Variants in PCDH9 observed in about 807,000 individuals in gnomAD.
PCDH9 encodes the protein protocadherin 9, also known as protocadherin-9.
A neutral mutation model predicts 70.6 loss-of-function variants in PCDH9; 24 were observed. The observed-to-expected ratio is 0.34, with a 90% confidence interval of 0.25 to 0.48. PCDH9 has a LOEUF of 0.48. PCDH9 is among the 20% of genes least tolerant of loss of function. The pLI is 0.99. For synonymous variants in PCDH9, 562 were observed against 558.5 expected (o/e 1.01, Z -0.09); for missense variants, 1,281 against 1,503.6 (o/e 0.85, Z 2.45).
chr13:66,388,492 G>A (rs1956967576), intron 4 of PCDH9, among the ~76,000 whole-genome samples: 1 of 152,010 alleles, frequency 6.6e-6, no homozygotes, highest in Non-Finnish European at 1.5e-5. Flanking sequence ...TCAGTAATAT[G>A]TAATGGGTAG....
At chr13:66,807,823 T>A (rs896558878) in intron 3 of PCDH9, among the ~76,000 whole-genome samples, 1 of 152,240 alleles carries the variant, frequency 6.6e-6, no homozygotes, top group African/African-American at 2.4e-5. Context: ...GACCTTTCTT[T>A]ACTTTGCAGA....
chr13:67,200,527 G>A (rs914379895), intron 2 of PCDH9, among the ~76,000 whole-genome samples: 5 of 152,022 alleles, frequency 3.3e-5, no homozygotes, highest in African/African-American at 1.2e-4. Context: ...TATTTATATT[G>A]ACTATATTTA....
At chr13:66,432,080 TTACA>T (rs770318740) in intron 4 of PCDH9, among the ~76,000 whole-genome samples, 3 of 152,038 alleles carry the variant, frequency 2.0e-5, no homozygotes, top group Admixed American at 6.6e-5. Context: ...GCAGTTTCCT[TTACA>T]TTTAAGCTAA....
chr13:66,442,980 A>G (rs1958004169), intron 4 of PCDH9, among the ~76,000 whole-genome samples: 1 of 152,210 alleles, frequency 6.6e-6, no homozygotes, highest in South Asian at 2.1e-4. Flanking sequence ...ACAGCTGCAG[A>G]AACTAACACA....
At chr13:67,125,655 GT>G (rs57970085) in intron 2 of PCDH9, among the ~76,000 whole-genome samples, 2 of 152,066 alleles carry the variant, frequency 1.3e-5, no homozygotes, top group Non-Finnish European at 2.9e-5. Flanking sequence ...TTATTTCTTA[GT>G]TTTGAACTCA....
chr13:67,203,240 C>A (rs1163995996), intron 2 of PCDH9: 1 of 151,976 alleles, frequency 6.6e-6, no homozygotes, highest in East Asian at 1.9e-4. Flanking sequence ...CTTAAATTGG[C>A]TAACAAATTT....
At chr13:66,809,426 A>T (rs1367336142) in intron 3 of PCDH9, among the ~76,000 whole-genome samples, 1 of 152,164 alleles carries the variant, frequency 6.6e-6, no homozygotes, top group Non-Finnish European at 1.5e-5. Flanking sequence ...CCATTTTTTT[A>T]AAAGTCTACT....
intron 2 of PCDH9, among the ~76,000 whole-genome samples, chr13:67,154,544 C>A (rs780407500): frequency 2.2e-4 from 31 of 139,004 alleles, no homozygotes; most frequent in Non-Finnish European, 3.2e-4. Flanking sequence ...CCACTACACT[C>A]CAGACAGGGA....
At chr13:66,383,263 G>A (rs567938469) in intron 4 of PCDH9, among the ~76,000 whole-genome samples, 1 of 152,280 alleles carries the variant, frequency 6.6e-6, no homozygotes, top group South Asian at 2.1e-4. Context: ...CAACGTATAA[G>A]AGGAAGGGTC....
At chr13:67,112,667 C>G (rs867350760) in intron 2 of PCDH9, among the ~76,000 whole-genome samples, 2 of 151,918 alleles carry the variant, frequency 1.3e-5, no homozygotes, top group Middle Eastern at 3.4e-3. Context: ...CCCTTCCTCC[C>G]TCCCTTCCTC....
chr13:66,622,164 C>CG (rs2077431130), intron 4 of PCDH9, among the ~76,000 whole-genome samples: 1 of 152,250 alleles, frequency 6.6e-6, no homozygotes, highest in South Asian at 2.1e-4. Context: ...GATTTGTCAC[C>CG]GGGCCTTGGC....
At chr13:67,006,118 T>C (rs2084348100) in intron 2 of PCDH9, among the ~76,000 whole-genome samples, 1 of 152,130 alleles carries the variant, frequency 6.6e-6, no homozygotes, top group South Asian at 2.1e-4. Context: ...TCCCAGCTAC[T>C]CGGGAGGCTG....
intron 4 of PCDH9, among the ~76,000 whole-genome samples, chr13:66,470,392 T>C (rs536507731): frequency 6.6e-6 from 1 of 152,302 alleles, no homozygotes; most frequent in South Asian, 2.1e-4. Flanking sequence ...CCTTAAAATG[T>C]AGGTACTTTT....
chr13:66,596,853 G>T (rs1376038571), intron 4 of PCDH9, among the ~76,000 whole-genome samples: 2 of 144,042 alleles, frequency 1.4e-5, no homozygotes, highest in African/African-American at 2.5e-5. Flanking sequence ...GCTGTAGCTT[G>T]TGCTGTAGCA....
At chr13:66,380,081 G>A (rs1956818462) in intron 4 of PCDH9, among the ~76,000 whole-genome samples, 2 of 152,126 alleles carry the variant, frequency 1.3e-5, no homozygotes, top group African/African-American at 4.8e-5. Context: ...CAAACATACA[G>A]TTGATATCAG....
intron 3 of PCDH9, among the ~76,000 whole-genome samples, chr13:66,764,087 C>T (rs973353625): frequency 6.6e-6 from 1 of 151,966 alleles, no homozygotes; most frequent in Non-Finnish European, 1.5e-5. Flanking sequence ...GTGTGAGCCA[C>T]CGCGCCAGGC....
intron 3 of PCDH9, among the ~76,000 whole-genome samples, chr13:66,770,444 C>A (rs1353660152): frequency 6.6e-6 from 1 of 152,162 alleles, no homozygotes; most frequent in Non-Finnish European, 1.5e-5. Flanking sequence ...TGAAGCCACC[C>A]TTATCTCTTA....
intron 4 of PCDH9, among the ~76,000 whole-genome samples, chr13:66,625,123 G>T (rs1393013903): frequency 6.6e-6 from 1 of 151,636 alleles, no homozygotes; most frequent in African/African-American, 2.4e-5. Flanking sequence ...CTTCATAATC[G>T]ATCACTATCA....
At chr13:66,593,355 T>TATG (rs1159923482) in intron 4 of PCDH9, among the ~76,000 whole-genome samples, 5 of 151,756 alleles carry the variant, frequency 3.3e-5, no homozygotes, top group Admixed American at 2.0e-4. Flanking sequence ...TGAATTGATA[T>TATG]ATGAATTTTT....
Sources: allele counts gnomAD v4.1 joint callset (sites outside exome capture counted in the v4.1 genomes callset), GRCh38; gene constraint gnomAD v4.1.1; transcripts MANE v1.5; gene names NCBI Gene and HGNC (gene_info 2026-07-23, HGNC 2026-07-21).